The following PBX1 variants were observed in gnomAD, a reference collection of about 807,000 sequenced individuals.
PBX1 encodes the protein PBX homeobox 1.
PBX1 carries 6 observed loss-of-function variants against 53.4 expected under a neutral mutation model. That is an observed-to-expected ratio of 0.11 (90% CI 0.06 to 0.22). The LOEUF is 0.22. Ranked by LOEUF, PBX1 falls within the 10% of genes least tolerant of loss-of-function variation. The pLI is 1.00. For missense variants in PBX1, 251 were observed against 551.4 expected (o/e 0.46, Z 5.46); for synonymous variants, 204 against 212.3 (o/e 0.96, Z 0.34).
At chr1:164,803,478 T>C (rs1669187025) in intron 4 of PBX1, among the ~76,000 whole-genome samples, 1 of 152,132 alleles carries the variant, frequency 6.6e-6, no homozygotes. Flanking sequence ...CAAATATGAG[T>C]GAGATCTGTC....
Position 164,559,278 on chromosome 1 carries a change from A to G in PBX1, c.-545A>G, listed in dbSNP as rs988106833. The G allele has an allele frequency of 9.0e-5, 16 of 178,642 alleles. No homozygotes were observed. The highest frequency in any genetic ancestry group is 1.6e-4 in the Non-Finnish European group (14 of 88,462). 11.1% of individuals were successfully genotyped at this position (178,642 alleles called of 1,614,324 possible). On this transcript the variant is annotated 5_prime_UTR_variant, in exon 1 of 9. Coordinates refer to ENST00000420696, the MANE Select transcript of PBX1 (RefSeq NM_002585.4). ...TTGCCTGCCGCCGCGGCTGGGGGAGATCTGGCTTTTGCAACAGCCCACCCC... is the reference window on the plus strand; with the variant it reads ...TTGCCTGCCGCCGCGGCTGGGGGAGGTCTGGCTTTTGCAACAGCCCACCCC...
chr1:164,625,597 C>T (rs946476046), intron 2 of PBX1, among the ~76,000 whole-genome samples: 2 of 151,992 alleles, frequency 1.3e-5, no homozygotes, highest in African/African-American at 4.8e-5. Context: ...AGTTTATAAG[C>T]GAGCCAGTGG....
chr1:164,691,898 C>G (rs1557945880), intron 2 of PBX1, among the ~76,000 whole-genome samples: 1 of 152,040 alleles, frequency 6.6e-6, no homozygotes, highest in African/African-American at 2.4e-5. Flanking sequence ...ACAGTCAAAG[C>G]ATAGTCAGAA....
At chr1:164,661,215 A>G (rs997926545) in intron 2 of PBX1, among the ~76,000 whole-genome samples, 1 of 152,176 alleles carries the variant, frequency 6.6e-6, no homozygotes, top group South Asian at 2.1e-4. Context: ...TTCAGCATCT[A>G]TAGTAATGGT....
At chr1:164,688,795 A>C (rs1441090133) in intron 2 of PBX1, among the ~76,000 whole-genome samples, 1 of 152,254 alleles carries the variant, frequency 6.6e-6, no homozygotes, top group Admixed American at 6.5e-5. Context: ...GGGCTAAGAA[A>C]AAAATAGGAT....
intron 2 of PBX1, among the ~76,000 whole-genome samples, chr1:164,585,273 C>G (rs1654882106): frequency 6.6e-6 from 1 of 152,142 alleles, no homozygotes; most frequent in African/African-American, 2.4e-5. Context: ...GTGAAAATTC[C>G]TAGTCATGGT....
At chr1:164,872,062 G>T (rs1282196853) in intron 2 of PBX1, among the ~76,000 whole-genome samples, 2 of 152,160 alleles carry the variant, frequency 1.3e-5, no homozygotes, top group East Asian at 3.9e-4. Context: ...TCCCATAAAG[G>T]ATCTGAAAAA....
chr1:164,783,270 G>T (rs1668016532), intron 2 of PBX1, among the ~76,000 whole-genome samples: 1 of 151,832 alleles, frequency 6.6e-6, no homozygotes, highest in Non-Finnish European at 1.5e-5. Flanking sequence ...GAAAAGATGA[G>T]AGAAAGAAGA....
chr1:164,604,451 AGTTACAT>A (rs1656415577), intron 2 of PBX1, among the ~76,000 whole-genome samples: 1 of 152,220 alleles, frequency 6.6e-6, no homozygotes, highest in Non-Finnish European at 1.5e-5. Context: ...TGCATTCAGC[AGTTACAT>A]GTATTGAGTG....
intron 2 of PBX1, among the ~76,000 whole-genome samples, chr1:164,627,429 G>A (rs138861893): frequency 1.3e-5 from 2 of 152,252 alleles, no homozygotes; most frequent in Non-Finnish European, 2.9e-5. Flanking sequence ...GTCACCTGAA[G>A]CCTATGCATG....
chr1:164,591,292 G>A (rs1460646537), intron 2 of PBX1, among the ~76,000 whole-genome samples: 2 of 152,134 alleles, frequency 1.3e-5, no homozygotes, highest in Non-Finnish European at 1.5e-5. Flanking sequence ...GATTACAGGC[G>A]TCAGCCACCG....
chr1:164,773,888 G>C (rs749650436), intron 2 of PBX1, among the ~76,000 whole-genome samples: 4 of 152,206 alleles, frequency 2.6e-5, no homozygotes, highest in Non-Finnish European at 4.4e-5. Context: ...CAGTGGATCT[G>C]CCTCAAGAGG....
intron 2 of PBX1, among the ~76,000 whole-genome samples, chr1:164,668,900 T>G (rs968652031): frequency 6.6e-6 from 1 of 152,216 alleles, no homozygotes; most frequent in African/African-American, 2.4e-5. Context: ...TTAAAAATAA[T>G]GGGAATTTCA....
chr1:164,561,320 A>G (rs1029169122), intron 1 of PBX1, among the ~76,000 whole-genome samples: 31 of 152,322 alleles, frequency 2.0e-4, no homozygotes, highest in African/African-American at 6.5e-4. Flanking sequence ...TATGAATTAT[A>G]CTCAATTTTA....
At chr1:164,678,116 A>G (rs1481231532) in intron 2 of PBX1, among the ~76,000 whole-genome samples, 1 of 152,190 alleles carries the variant, frequency 6.6e-6, no homozygotes, top group African/African-American at 2.4e-5. Flanking sequence ...GTTCTTGAAC[A>G]GAGGAGATAT....
At chr1:164,874,712 T>C (rs1295417008) in intron 2 of PBX1, among the ~76,000 whole-genome samples, 1 of 152,198 alleles carries the variant, frequency 6.6e-6, no homozygotes, top group Non-Finnish European at 1.5e-5. Flanking sequence ...CTGGCTGGTC[T>C]CGAACTCCTG....
chr1:164,705,002 A>G (rs1663343470), intron 2 of PBX1, among the ~76,000 whole-genome samples: 1 of 152,232 alleles, frequency 6.6e-6, no homozygotes, highest in Admixed American at 6.5e-5. Flanking sequence ...GAGGGAAATC[A>G]TTTGAGAAAT....
chr1:164,748,495 C>CT (rs1666021278), intron 2 of PBX1, among the ~76,000 whole-genome samples: 1 of 152,166 alleles, frequency 6.6e-6, no homozygotes, highest in Admixed American at 6.5e-5. Context: ...ACGGCAGGCT[C>CT]TGTGATCTCT....
intron 2 of PBX1, among the ~76,000 whole-genome samples, chr1:164,689,153 G>T (rs1030603258): frequency 2.6e-5 from 4 of 152,200 alleles, no homozygotes; most frequent in Admixed American, 6.5e-5. Flanking sequence ...ATACATTACG[G>T]CAAACACCTT....
Sources: gnomAD v4.1 joint callset for allele counts (sites outside exome capture counted in the v4.1 genomes callset) on GRCh38, gnomAD v4.1.1 for gene constraint, MANE v1.5 for transcripts, NCBI Gene and HGNC (gene_info 2026-07-23, HGNC 2026-07-21) for gene names.